Variants in MOSMO observed in about 807,000 individuals in gnomAD.
MOSMO encodes modulator of smoothened, also known as modulator of smoothened protein.
Under a neutral mutation model 18.4 loss-of-function variants are expected in MOSMO, and 5 were observed. The observed-to-expected ratio is 0.27, with a 90% CI of 0.14 to 0.57. The LOEUF is 0.57. MOSMO is among the 20% of genes least tolerant of loss of function. The probability of loss-of-function intolerance (pLI) is 0.92; values close to 1 mark genes in which losing one functional copy is unlikely to be tolerated. For synonymous variants in MOSMO, 82 were observed against 82.3 expected (o/e 1.00, Z 0.02); for missense variants, 138 against 211.8 (o/e 0.65, Z 2.16).
intron 1 of MOSMO, among the ~76,000 whole-genome samples, chr16:22,019,052 G>A (rs531573503): frequency 1.6e-4 from 24 of 152,284 alleles, no homozygotes; most frequent in African/African-American, 5.8e-4. Context: ...TGTAAGTGCT[G>A]TTATTTAGAC....
intron 1 of MOSMO, among the ~76,000 whole-genome samples, chr16:22,021,560 G>C (rs1338340240): frequency 6.6e-6 from 1 of 152,126 alleles, no homozygotes; most frequent in Admixed American, 6.5e-5. Context: ...ACTCTGGGAG[G>C]CCGAGATGGG....
rs905981350 is a variant in MOSMO, at chr16:22,081,642, A to T, written c.*762A>T. On this transcript the variant is annotated 3_prime_UTR_variant, in exon 3 of 3. Transcript: ENST00000542527. ...TATATGTGTGTGTGTGTGTGTGTGT[A>T]TGTGTGTGTAAATTTATATACACAC... The T allele has an allele frequency of 6.7e-6, 1 of 149,002 alleles. No homozygotes were observed. The highest frequency in any genetic ancestry group is 2.0e-4 in the East Asian group (1 of 4,978). The allele number at this position is 149,002 out of a possible 1,614,324, so 9.2% of individuals were successfully genotyped here.
chr16:22,026,855 TAGG>T (rs1046837326), intron 1 of MOSMO, among the ~76,000 whole-genome samples: 3 of 152,326 alleles, frequency 2.0e-5, no homozygotes, highest in South Asian at 2.1e-4. Flanking sequence ...GTAAAAATGA[TAGG>T]AGGAGTTAAA....
At chr16:22,037,227 C>T (rs1198494118) in intron 1 of MOSMO, among the ~76,000 whole-genome samples, 1 of 152,116 alleles carries the variant, frequency 6.6e-6, no homozygotes, top group Non-Finnish European at 1.5e-5. Flanking sequence ...CTATGGACTA[C>T]ACCACTGCAC....
chr16:22,032,642 G>A (rs575314174), intron 1 of MOSMO, among the ~76,000 whole-genome samples: 98 of 152,194 alleles, frequency 6.4e-4, no homozygotes, highest in Non-Finnish European at 1.2e-3. Context: ...GAATTCCTGG[G>A]CTCAAGGTAT....
At chr16:22,060,173 T>C (rs1354106920) in intron 1 of MOSMO, among the ~76,000 whole-genome samples, 1 of 150,884 alleles carries the variant, frequency 6.6e-6, no homozygotes, top group Non-Finnish European at 1.5e-5. Flanking sequence ...TGAGACTCTG[T>C]CTCAAAAAAA....
At chr16:22,026,458 A>G (rs1567502045) in intron 1 of MOSMO, among the ~76,000 whole-genome samples, 1 of 152,032 alleles carries the variant, frequency 6.6e-6, no homozygotes, top group Non-Finnish European at 1.5e-5. Context: ...ACCTCAGGTG[A>G]TCCGCCCACC....
At chr16:22,070,692 G>A (rs974780469) in intron 1 of MOSMO, among the ~76,000 whole-genome samples, 8 of 152,000 alleles carry the variant, frequency 5.3e-5, no homozygotes, top group African/African-American at 1.9e-4. Context: ...CTATTTATAA[G>A]CACCTATATC....
chr16:22,043,737 G>T (rs1900253505), intron 1 of MOSMO, among the ~76,000 whole-genome samples: 1 of 152,138 alleles, frequency 6.6e-6, no homozygotes, highest in African/African-American at 2.4e-5. Context: ...AAGTCTAGGT[G>T]GTTCTGTATA....
At chr16:22,050,844 C>T (rs771177088) in intron 1 of MOSMO, among the ~76,000 whole-genome samples, 1 of 145,062 alleles carries the variant, frequency 6.9e-6, no homozygotes, top group Non-Finnish European at 1.5e-5. Context: ...CTACAGTGAG[C>T]TATGATCCAG....
downstream of MOSMO, among the ~76,000 whole-genome samples, chr16:22,087,883 A>T (rs939826764): frequency 5.3e-5 from 8 of 152,304 alleles, no homozygotes; most frequent in Admixed American, 2.6e-4. Flanking sequence ...AGATTTTTTT[A>T]AAAAACACAA....
At chr16:22,056,550 A>T (rs1900540830) in intron 1 of MOSMO, among the ~76,000 whole-genome samples, 1 of 148,384 alleles carries the variant, frequency 6.7e-6, no homozygotes, top group Non-Finnish European at 1.5e-5. Context: ...TTATATATAT[A>T]TATATTTTTT....
intron 1 of MOSMO, among the ~76,000 whole-genome samples, chr16:22,026,843 G>T (rs1899886684): frequency 6.6e-6 from 1 of 152,174 alleles, no homozygotes; most frequent in Non-Finnish European, 1.5e-5. Flanking sequence ...AAATTCTGCT[G>T]AGTAAAAATG....
chr16:22,087,912 A>T (rs1238571805), downstream of MOSMO, among the ~76,000 whole-genome samples: 3 of 152,224 alleles, frequency 2.0e-5, no homozygotes, highest in Non-Finnish European at 4.4e-5. Flanking sequence ...TAGGAAACAA[A>T]AAGTTCCCTC....
At chr16:22,068,220 A>G (rs1233044930) in intron 1 of MOSMO, among the ~76,000 whole-genome samples, 1 of 152,220 alleles carries the variant, frequency 6.6e-6, no homozygotes, top group African/African-American at 2.4e-5. Flanking sequence ...TAGTGTATAC[A>G]TATAATTTGC....
intron 1 of MOSMO, among the ~76,000 whole-genome samples, chr16:22,065,214 A>C (rs1297878776): frequency 6.6e-6 from 1 of 152,212 alleles, no homozygotes; most frequent in Non-Finnish European, 1.5e-5. Context: ...AGTCATGCTT[A>C]CAAACAGGTG....
At chr16:22,063,134 G>A (rs143727747) in intron 1 of MOSMO, among the ~76,000 whole-genome samples, 3 of 152,330 alleles carry the variant, frequency 2.0e-5, no homozygotes, top group East Asian at 1.9e-4. Flanking sequence ...GATTACAGGC[G>A]TGAGCCACCG....
rs1901133719 is a variant in MOSMO, at chr16:22,084,343, A to T, written c.*3463A>T. 6.6e-6 allele frequency: 1 copy of T among 152,312 alleles called. No individual in the cohort carries two copies. Among genetic ancestry groups the T allele is most frequent in the Admixed American group, 6.5e-5 (1 of 15,286 alleles). 9.4% of individuals were successfully genotyped at this position (152,312 alleles called of 1,614,324 possible). On this transcript the variant is annotated 3_prime_UTR_variant, in exon 3 of 3. Transcript: ENST00000542527. ...TAAATTTACATTCACAATTCAAAAC[A>T]GTAAGCTGTCTTTCAGAAAATTTTT...
intron 1 of MOSMO, among the ~76,000 whole-genome samples, chr16:22,048,914 A>T (rs1224123371): frequency 1.3e-5 from 2 of 151,968 alleles, no homozygotes; most frequent in East Asian, 1.9e-4. Flanking sequence ...TGTTTTCCTC[A>T]CTATAACCGG....
Sources: allele counts gnomAD v4.1 joint callset (sites outside exome capture counted in the v4.1 genomes callset), GRCh38; gene constraint gnomAD v4.1.1; transcripts MANE v1.5; gene names NCBI Gene and HGNC (gene_info 2026-07-23, HGNC 2026-07-21).